The following GNAQ variants were observed in gnomAD, a reference collection of about 807,000 sequenced individuals.
GNAQ encodes the protein G protein subunit alpha q, also known as guanine nucleotide-binding protein G(q) subunit alpha.
GNAQ carries 8 observed loss-of-function variants against 43.9 expected under a neutral mutation model. The ratio of observed to expected loss-of-function variants is 0.18; its 90% CI spans 0.11 to 0.33. GNAQ has a LOEUF of 0.33. GNAQ is among the 10% of genes least tolerant of loss of function. The pLI is 1.00. For synonymous variants in GNAQ, 155 were observed against 170.7 expected (o/e 0.91, Z 0.71); for missense variants, 158 against 450.8 (o/e 0.35, Z 5.88).
At chr9:77,967,805 C>A (rs539699886) in intron 1 of GNAQ, among the ~76,000 whole-genome samples, 4 of 152,192 alleles carry the variant, frequency 2.6e-5, no homozygotes, top group African/African-American at 9.6e-5. Flanking sequence ...CATGGTGAAA[C>A]CTCATGTCTA....
At chr9:77,782,575 A>G (rs959311682) in intron 5 of GNAQ, among the ~76,000 whole-genome samples, 2 of 152,218 alleles carry the variant, frequency 1.3e-5, no homozygotes, top group African/African-American at 4.8e-5. Flanking sequence ...CCATTTTGGA[A>G]GACAGTTTGG....
At chr9:77,852,636 C>G (rs548283456) in intron 2 of GNAQ, among the ~76,000 whole-genome samples, 1 of 152,366 alleles carries the variant, frequency 6.6e-6, no homozygotes, top group African/African-American at 2.4e-5. Context: ...TCCCCGAAAG[C>G]ATCCCTGCTA....
chr9:77,861,984 GA>G (rs1320072306), intron 2 of GNAQ, among the ~76,000 whole-genome samples: 1 of 148,630 alleles, frequency 6.7e-6, no homozygotes, highest in East Asian at 2.0e-4. Flanking sequence ...CAGCCTGGGG[GA>G]CAGAGCAAGA....
chr9:77,727,865 G>C (rs1198564124), intron 6 of GNAQ, among the ~76,000 whole-genome samples: 2 of 152,192 alleles, frequency 1.3e-5, no homozygotes, highest in African/African-American at 4.8e-5. Context: ...CCTCCCCAGA[G>C]AGAGGAGAGG....
intron 1 of GNAQ, among the ~76,000 whole-genome samples, chr9:78,005,050 T>C (rs1295091127): frequency 2.0e-5 from 3 of 152,120 alleles, no homozygotes; most frequent in East Asian, 1.9e-4. Flanking sequence ...ATGACAAAAC[T>C]ACAATTTTTC....
In GNAQ at chr9:77,870,997, G is replaced by A. The variant is rs77220996; in HGVS notation, c.321+51164C>T. 2.5e-4 allele frequency among the ~76,000 whole-genome samples: 38 copies of A among 152,232 alleles called. No individual in the cohort carries two copies. In the East Asian group the frequency reaches 6.4e-3, roughly 26 times the overall value. ...GTAATGAACATGTGAACTTTTTAGG[G>A]TTATAGAAATGTTCTACATGCTAAT... On this transcript the variant is annotated intron_variant, in intron 2 of 6. Coordinates refer to ENST00000286548, the MANE Select transcript of GNAQ (RefSeq NM_002072.5).
intron 2 of GNAQ, among the ~76,000 whole-genome samples, chr9:77,914,667 C>CA (rs1193444794): frequency 3.0e-4 from 43 of 143,140 alleles, no homozygotes; most frequent in Middle Eastern, 3.5e-3. Flanking sequence ...CGTCTCAAAA[C>CA]AAAAAAAAAA....
intron 2 of GNAQ, among the ~76,000 whole-genome samples, chr9:77,880,357 T>C (rs866437016): frequency 3.9e-5 from 6 of 152,174 alleles, no homozygotes; most frequent in African/African-American, 4.8e-5. Flanking sequence ...TAAGTCAAGA[T>C]ATCTTGGTGG....
intron 5 of GNAQ, among the ~76,000 whole-genome samples, chr9:77,743,417 A>G (rs775946139): frequency 1.6e-4 from 24 of 152,170 alleles, no homozygotes; most frequent in Admixed American, 2.6e-4. Flanking sequence ...AGGTGGGAAA[A>G]TTTTTGAACT....
At position 77,862,008 on chromosome 9, in the gene GNAQ, T is replaced by TTA. The variant is rs1323451666; in HGVS notation, c.322-46239_322-46238insTA. On this transcript the variant is annotated intron_variant, in intron 2 of 6. Coordinates refer to ENST00000286548, the MANE Select transcript of GNAQ (RefSeq NM_002072.5). ...GGACAGAGCAAGACTCTGTCTGGGGTAAAAAAAAAAAAAAAAAAAAAAAGA... is the reference window on the plus strand; with the variant it reads ...GGACAGAGCAAGACTCTGTCTGGGGTTAAAAAAAAAAAAAAAAAAAAAAAAGA... Among the ~76,000 whole-genome samples, 6 of 118,102 alleles carry TTA rather than the reference T, an allele frequency of 5.1e-5. No individual in the cohort carries two copies. In the Admixed American group the frequency reaches 5.3e-4, roughly 10 times the overall value. 77.5% of individuals were successfully genotyped at this position (118,102 alleles called of 152,430 possible).
At chr9:78,007,159 C>T (rs1288369573) in intron 1 of GNAQ, among the ~76,000 whole-genome samples, 2 of 152,068 alleles carry the variant, frequency 1.3e-5, no homozygotes, top group Non-Finnish European at 2.9e-5. Context: ...GTATTCATTA[C>T]ACAAGGACTA....
rs377714104 is a variant in GNAQ, at chr9:78,000,302, G to T, written c.136+30798C>A. Among the ~76,000 whole-genome samples the T allele has an allele frequency of 7.9e-4, 121 of 152,306 alleles. 2 individuals are homozygous for T. In the South Asian group the frequency reaches 0.025, roughly 32 times the overall value. On this transcript the variant is annotated intron_variant, in intron 1 of 6. Coordinates refer to ENST00000286548, the MANE Select transcript of GNAQ (RefSeq NM_002072.5). ...CCTGAAGAAACACATCAGTCCTCTG[G>T]TAAGTAAGCTGATGACCTAACAGTT... is the stretch of plus-strand genomic sequence containing the variant.
intron 5 of GNAQ, among the ~76,000 whole-genome samples, chr9:77,772,939 C>CA (rs999079674): frequency 6.9e-4 from 105 of 152,024 alleles, no homozygotes; most frequent in African/African-American, 2.4e-3. Context: ...AGAAACACGC[C>CA]AAAAAAAATC....
intron 2 of GNAQ, among the ~76,000 whole-genome samples, chr9:77,840,414 G>C (rs1300170677): frequency 6.7e-6 from 1 of 148,562 alleles, no homozygotes; most frequent in Non-Finnish European, 1.5e-5. Context: ...TTGGCTCACT[G>C]TAACCTCTGT....
chr9:77,976,491 C>G (rs1010905279), intron 1 of GNAQ, among the ~76,000 whole-genome samples: 1 of 152,140 alleles, frequency 6.6e-6, no homozygotes, highest in African/African-American at 2.4e-5. Flanking sequence ...CTCCCAGGTT[C>G]AGGTGATTCT....
intron 4 of GNAQ, among the ~76,000 whole-genome samples, chr9:77,795,753 T>C (rs1250745590): frequency 2.6e-5 from 4 of 152,218 alleles, no homozygotes; most frequent in African/African-American, 9.7e-5. Flanking sequence ...GTGTGAATAA[T>C]ACGCTACTAA....
intron 2 of GNAQ, among the ~76,000 whole-genome samples, chr9:77,900,404 A>G (rs1265270824): frequency 1.3e-5 from 2 of 152,200 alleles, no homozygotes; most frequent in African/African-American, 2.4e-5. Context: ...CATGTTATCA[A>G]TGTTCTCCAT....
intron 2 of GNAQ, among the ~76,000 whole-genome samples, chr9:77,858,383 T>C (rs768030480): frequency 6.6e-6 from 1 of 152,014 alleles, no homozygotes; most frequent in Non-Finnish European, 1.5e-5. Flanking sequence ...AAGGGAGGGT[T>C]TTCTGTTGCC....
chr9:77,987,996 G>C (rs1200716247), intron 1 of GNAQ, among the ~76,000 whole-genome samples: 2 of 152,236 alleles, frequency 1.3e-5, no homozygotes, highest in East Asian at 3.8e-4. Flanking sequence ...GCTGAAAAGA[G>C]AGACGGGAAT....
Sources: allele counts gnomAD v4.1 joint callset (sites outside exome capture counted in the v4.1 genomes callset), GRCh38; gene constraint gnomAD v4.1.1; transcripts MANE v1.5; gene names NCBI Gene and HGNC (gene_info 2026-07-23, HGNC 2026-07-21).